The following RALYL variants were observed in gnomAD, a reference collection of about 807,000 sequenced individuals.
RALYL encodes the protein RALY RNA binding protein like.
In RALYL, 29 loss-of-function variants were observed where a neutral mutation model predicts 35.1. The observed-to-expected ratio is 0.83, with a 90% CI of 0.61 to 1.13. The LOEUF (loss-of-function observed/expected upper bound fraction) is 1.13, where lower values mean the gene tolerates loss of function less well. RALYL is among the 50% of genes most tolerant of loss of function. The pLI is 0.00. For synonymous variants in RALYL, 120 were observed against 127.6 expected (o/e 0.94, Z 0.40); for missense variants, 359 against 360.4 (o/e 1.00, Z 0.03).
intron 2 of RALYL, among the ~76,000 whole-genome samples, chr8:84,689,503 G>T (rs948046765): frequency 1.3e-5 from 2 of 152,122 alleles, no homozygotes; most frequent in African/African-American, 4.8e-5. Context: ...TTGGTTCCAA[G>T]TCTTTGCTAT....
rs541504274 is a variant in RALYL at position 84,754,721 on chromosome 8, C to T, written c.257-19858C>T. On this transcript the variant is annotated intron_variant, in intron 2 of 8. Coordinates refer to ENST00000521268, the MANE Select transcript of RALYL (RefSeq NM_173848.7). ...AAAAGGCAACTTTTCACATCCAATACCTCCTCTTTTACTGAATGGGGACAG... is the reference window on the plus strand; with the variant it reads ...AAAAGGCAACTTTTCACATCCAATATCTCCTCTTTTACTGAATGGGGACAG... 5.3e-5 allele frequency among the ~76,000 whole-genome samples: 8 copies of T among 152,116 alleles called. No homozygotes were observed. The East Asian group carries it at 1.5e-3, about 29-fold the overall frequency.
intron 1 of RALYL, among the ~76,000 whole-genome samples, chr8:84,305,673 C>T (rs73296730): frequency 0.046 from 7,047 of 152,166 alleles, 262 homozygotes; most frequent in African/African-American, 0.083. Context: ...TTCCCTCTTC[C>T]GGTCTCATCC....
intron 8 of RALYL, among the ~76,000 whole-genome samples, chr8:84,905,679 C>G (rs981949807): frequency 6.0e-5 from 9 of 150,938 alleles, no homozygotes; most frequent in Admixed American, 4.0e-4. Context: ...AATTTTCTGG[C>G]ACTACCATTA....
intron 2 of RALYL, among the ~76,000 whole-genome samples, chr8:84,757,858 A>C (rs2133319706): frequency 6.6e-6 from 1 of 152,216 alleles, no homozygotes; most frequent in East Asian, 1.9e-4. Context: ...AAATTTAGAG[A>C]ATATTTCTAT....
intron 1 of RALYL, among the ~76,000 whole-genome samples, chr8:84,431,556 C>T (rs1264043652): frequency 1.3e-5 from 2 of 152,114 alleles, no homozygotes; most frequent in African/African-American, 2.4e-5. Flanking sequence ...CTCCTACTAA[C>T]ACAACCACCC....
chr8:84,901,261 A>C (rs1845643455), intron 8 of RALYL, among the ~76,000 whole-genome samples: 1 of 151,872 alleles, frequency 6.6e-6, no homozygotes, highest in Non-Finnish European at 1.5e-5. Context: ...GTCAGGAAAA[A>C]CTCCGTCTAA....
chr8:84,480,035 A>G (rs1363026688), intron 1 of RALYL, among the ~76,000 whole-genome samples: 1 of 152,168 alleles, frequency 6.6e-6, no homozygotes, highest in Non-Finnish European at 1.5e-5. Flanking sequence ...TCTTGCTGGA[A>G]AAAAGTGTAA....
intron 1 of RALYL, among the ~76,000 whole-genome samples, chr8:84,339,610 A>C (rs1005179085): frequency 3.9e-5 from 6 of 151,934 alleles, no homozygotes; most frequent in Non-Finnish European, 8.8e-5. Flanking sequence ...CAACACATGT[A>C]ATGTTCTTGA....
chr8:84,288,332 T>C (rs952916250), intron 1 of RALYL, among the ~76,000 whole-genome samples: 1 of 152,206 alleles, frequency 6.6e-6, no homozygotes, highest in African/African-American at 2.4e-5. Context: ...TGTGCTACAG[T>C]ATCTCTTAAT....
chr8:84,573,395 A>T (rs937855559), intron 2 of RALYL, among the ~76,000 whole-genome samples: 4 of 151,672 alleles, frequency 2.6e-5, no homozygotes, highest in African/African-American at 9.7e-5. Flanking sequence ...TTGATTTCTG[A>T]CTTAATTTTT....
Position 84,490,079 on chromosome 8 carries a change from ATGTGTGTGTGTG to A in RALYL, c.-23-39190_-23-39179del, listed in dbSNP as rs143193843. 3.1e-3 allele frequency among the ~76,000 whole-genome samples: 447 copies of A among 144,456 alleles called. 2 individuals are homozygous for A. The highest frequency in any genetic ancestry group is 0.026 in the South Asian group (111 of 4,326). The allele number at this position is 144,456 out of a possible 152,430, so 94.8% of individuals were successfully genotyped here. A position where few individuals can be genotyped will look rare whatever the true frequency, so the allele number is the denominator to read the frequency against. ...AGTGGAAGTCAGAGTGCTTGCGTGC[ATGTGTGTGTGTG>A]TGTGTGTGTGTGTGTGTGTGTGTGT... On this transcript the variant is annotated intron_variant, in intron 1 of 8. Transcript: ENST00000521268.
At chr8:84,589,871 G>T (rs1168416579) in intron 2 of RALYL, among the ~76,000 whole-genome samples, 5 of 152,162 alleles carry the variant, frequency 3.3e-5, no homozygotes, top group African/African-American at 9.7e-5. Context: ...ATATCATGTA[G>T]CTTGTGGCAA....
At chr8:84,345,747 G>T (rs1849720000) in intron 1 of RALYL, among the ~76,000 whole-genome samples, 1 of 152,012 alleles carries the variant, frequency 6.6e-6, no homozygotes, top group South Asian at 2.1e-4. Flanking sequence ...AAGAAGTCAG[G>T]CACTATGCTA....
chr8:84,641,919 A>G (rs1826432460), intron 2 of RALYL, among the ~76,000 whole-genome samples: 1 of 151,964 alleles, frequency 6.6e-6, no homozygotes, highest in African/African-American at 2.4e-5. Context: ...ATTTATCCAG[A>G]CACAAATGTA....
intron 1 of RALYL, among the ~76,000 whole-genome samples, chr8:84,309,494 G>A (rs936314146): frequency 6.6e-6 from 1 of 151,866 alleles, no homozygotes; most frequent in African/African-American, 2.4e-5. Context: ...TTATTAAAAA[G>A]TAATTCTAAA....
intron 3 of RALYL, 141 bp from the exon 4 acceptor site, chr8:84,804,629 T>C (rs1265588404): frequency 3.4e-6 from 1 of 297,356 alleles, no homozygotes; most frequent in Non-Finnish European, 6.2e-6. Context: ...TCTTAGTATA[T>C]TATTTATAGC....
intron 1 of RALYL, among the ~76,000 whole-genome samples, chr8:84,499,105 T>A (rs1318714381): frequency 2.1e-5 from 3 of 142,270 alleles, no homozygotes; most frequent in African/African-American, 5.3e-5. Context: ...TTTTTTTTTT[T>A]AATTATTGAT....
chr8:84,326,380 T>C (rs1845790823), intron 1 of RALYL, among the ~76,000 whole-genome samples: 1 of 152,188 alleles, frequency 6.6e-6, no homozygotes, highest in South Asian at 2.1e-4. Flanking sequence ...GACCACTTAC[T>C]GTCCCAATTG....
intron 2 of RALYL, among the ~76,000 whole-genome samples, chr8:84,751,491 A>G (rs1463588475): frequency 6.6e-6 from 1 of 152,042 alleles, no homozygotes; most frequent in Non-Finnish European, 1.5e-5. Flanking sequence ...TACAGGCGTG[A>G]ACCACCACGC....
Sources: gnomAD v4.1 joint callset for allele counts (sites outside exome capture counted in the v4.1 genomes callset) on GRCh38, gnomAD v4.1.1 for gene constraint, MANE v1.5 for transcripts, NCBI Gene and HGNC (gene_info 2026-07-23, HGNC 2026-07-21) for gene names.